Variants in CCM2L observed in about 807,000 individuals in gnomAD.
CCM2L encodes the protein cerebral cavernous malformations 2 protein-like.
A neutral mutation model predicts 54.1 loss-of-function variants in CCM2L; 36 were observed. The ratio of observed to expected loss-of-function variants is 0.67; its 90% CI spans 0.51 to 0.88. The LOEUF (loss-of-function observed/expected upper bound fraction) is 0.88, where lower values mean the gene tolerates loss of function less well. Ranked by LOEUF, CCM2L falls within the 40% of genes least tolerant of loss-of-function variation. CCM2L has a pLI of 0.00. For missense variants in CCM2L, 700 were observed against 812.1 expected, an observed-to-expected ratio of 0.86 and a Z score of 1.68; for synonymous variants, 351 against 359.3, an observed-to-expected ratio of 0.98 and a Z score of 0.26.
chr20:32,027,100 T>C (rs2064869513), intron 7 of CCM2L, among the ~76,000 whole-genome samples: 2 of 152,184 alleles, frequency 1.3e-5, no homozygotes, highest in Non-Finnish European at 1.5e-5. Flanking sequence ...CTGTTTAGGG[T>C]GACCAGCCAT....
chr20:32,026,066 A>G (rs2064857812), intron 7 of CCM2L, 147 bp downstream of exon 7: 2 of 488,910 alleles, frequency 4.1e-6, no homozygotes, highest in African/African-American at 4.0e-5. Context: ...GAGCTCCCTG[A>G]CTCTGGAAAC....
chr20:32,019,140 G>A lies in CCM2L; in HGVS notation c.664G>A (p.Gly222Ser), dbSNP rs2064774371. The A allele has an allele frequency of 2.6e-6, 3 of 1,136,526 alleles. No homozygotes were observed. The highest frequency in any genetic ancestry group is 2.2e-6 in the Non-Finnish European group (2 of 924,490). The allele number at this position is 1,136,526 out of a possible 1,614,324, so 70.4% of individuals were successfully genotyped here. A position where few individuals can be genotyped will look rare whatever the true frequency, so the allele number is the denominator to read the frequency against. Residue 222 changes from glycine to serine, a missense_variant, in exon 5 of 10, where the codon GGC (glycine) becomes AGC (serine). Gly to Ser is a moderately conservative substitution (Grantham distance 56, BLOSUM62 0). Transcript: ENST00000452892. ...AEARAGGGGG[G>S]SLERQRAGAR... is the part of the protein sequence containing the mutation. ...GGCCCGGGCCGGGGGAGGCGGCGGC[G>A]GCAGCTTGGAGCGCCAGCGCGCCGG...
chr20:32,022,916 TAC>T (rs2064819481), intron 6 of CCM2L, 121 bp downstream of exon 6: 1 of 1,058,468 alleles, frequency 9.4e-7, no homozygotes, highest in South Asian at 1.6e-5. Flanking sequence ...CTGCCATAAT[TAC>T]AGTGTACCCC....
chr20:32,029,679 C>G (rs982100343), intron 8 of CCM2L, 21 bp from the exon 9 acceptor site: 1 of 1,585,358 alleles, frequency 6.3e-7, no homozygotes, highest in African/African-American at 1.3e-5. Flanking sequence ...GGATTGATCT[C>G]GAATGGTGTC....
chr20:32,015,156 A>G lies in CCM2L; in HGVS notation c.198+85A>G, dbSNP rs373014215. ...TTGACACCAAGTTCTGATCAGCCGT[A>G]TCTCACACAGGGGAAGTTGTGGCTC... On this transcript the variant is annotated intron_variant, in intron 2 of 9. Coordinates refer to ENST00000452892, the MANE Select transcript of CCM2L (RefSeq NM_001365692.1). The G allele has an allele frequency of 7.5e-6, 10 of 1,325,780 alleles. No homozygotes were observed. The African/African-American group carries it at 7.7e-5, about 10-fold the overall frequency. The allele number at this position is 1,325,780 out of a possible 1,614,324, so 82.1% of individuals were successfully genotyped here.
At position 32,031,041 on chromosome 20, in the gene CCM2L, C is replaced by T. The variant is rs1344632964; in HGVS notation, c.1443C>T (p.Phe481=). 3.8e-6 allele frequency: 5 copies of T among 1,304,142 alleles called. No homozygotes were observed. The highest frequency in any genetic ancestry group is 1.5e-5 in the African/African-American group (1 of 65,868). 80.8% of individuals were successfully genotyped at this position (1,304,142 alleles called of 1,614,324 possible). A position where few individuals can be genotyped will look rare whatever the true frequency, so the allele number is the denominator to read the frequency against. ...PFIPDQDIGY[F]EGFLEGVGIR... ...TCCCGGACCAGGACATCGGCTACTT[C>T]GAGGGCTTCCTGGAGGGCGTGGGCA... The change falls in exon 10 of 10, where the codon TTC becomes TTT. Residue 481 remains phenylalanine, a synonymous_variant. Coordinates refer to ENST00000452892, the MANE Select transcript of CCM2L (RefSeq NM_001365692.1).
intron 5 of CCM2L, 51 bp downstream of exon 5, chr20:32,019,460 T>TCCCCCCCCCCCCCCTCCCCCC: frequency 7.5e-7 from 1 of 1,327,610 alleles, no homozygotes; most frequent in Non-Finnish European, 9.9e-7. Context: ...GAACGCTGCT[T>TCCCCCCCCCCCCCCTCCCCCC]CCCCGCCCCC....
intron 6 of CCM2L, 90 bp from the exon 7 acceptor site, chr20:32,025,766 A>AGGCTGAGACTGAGGGTGG: frequency 1.1e-6 from 1 of 932,844 alleles, no homozygotes; most frequent in Non-Finnish European, 1.5e-6. Flanking sequence ...ACTAGACTTC[A>AGGCTGAGACTGAGGGTGG]GGCTGAGACT....
chr20:32,019,309 G>C lies in CCM2L; in HGVS notation c.833G>C (p.Gly278Ala), dbSNP rs1229000377. 1.5e-6 allele frequency: 2 copies of C among 1,310,884 alleles called. No homozygotes were observed. The highest frequency in any genetic ancestry group is 3.0e-5 in the African/African-American group (2 of 66,106). 81.2% of individuals were successfully genotyped at this position (1,310,884 alleles called of 1,614,324 possible). A position where few individuals can be genotyped will look rare whatever the true frequency, so the allele number is the denominator to read the frequency against. Residue 278 changes from glycine (G) to alanine (A), a missense_variant, in exon 5 of 10, where the codon GGC (glycine) becomes GCC (alanine). Physicochemically the swap from Gly to Ala is moderately conservative, Grantham distance 60. Coordinates refer to ENST00000452892, the MANE Select transcript of CCM2L (RefSeq NM_001365692.1). Reference protein sequence around the residue: ...ERRQAGSGGGGSWERRHPGPN... With the variant: ...ERRQAGSGGGASWERRHPGPN... Reference sequence around the variant, plus strand: ...AGGCAGGCGGGCAGCGGCGGGGGAGGCAGCTGGGAGCGGCGCCACCCCGGC... The same window carrying C: ...AGGCAGGCGGGCAGCGGCGGGGGAGCCAGCTGGGAGCGGCGCCACCCCGGC...
intron 4 of CCM2L, 64 bp from the exon 5 acceptor site, chr20:32,018,879 C>CGGCGG (rs1372405768): frequency 4.8e-6 from 6 of 1,237,998 alleles, no homozygotes; most frequent in African/African-American, 1.6e-5. Context: ...CAGCCGGCCT[C>CGGCGG]GGCGGGGCGG....
rs1231276106 is a variant in CCM2L, at chr20:32,031,354, C to T, written c.*40C>T. 8.1e-7 allele frequency: 1 copy of T among 1,236,736 alleles called. No homozygotes were observed. The allele number at this position is 1,236,736 out of a possible 1,614,324, so 76.6% of individuals were successfully genotyped here. A position where few individuals can be genotyped will look rare whatever the true frequency, so the allele number is the denominator to read the frequency against. On this transcript the variant is annotated 3_prime_UTR_variant, in exon 10 of 10. Coordinates refer to ENST00000452892, the MANE Select transcript of CCM2L (RefSeq NM_001365692.1). ...GACGGCGTGGCTCAGCAGCCCACCT[C>T]TGAGTCTCAGCTTTGCTTCGGGGAC...
intron 6 of CCM2L, among the ~76,000 whole-genome samples, chr20:32,024,177 C>T (rs890251619): frequency 1.3e-5 from 2 of 152,110 alleles, no homozygotes; most frequent in African/African-American, 4.8e-5. Context: ...AACCTTATTC[C>T]CCATGCTGCC....
At chr20:32,018,874 G>A (rs1298905533) in intron 4 of CCM2L, 69 bp from the exon 5 acceptor site, 6 of 1,240,616 alleles carry the variant, frequency 4.8e-6, no homozygotes, top group Non-Finnish European at 6.1e-6. Flanking sequence ...GTGGCCAGCC[G>A]GCCTCGGCGG....
chr20:32,016,596 C>T (rs1484327644), intron 2 of CCM2L, among the ~76,000 whole-genome samples: 3 of 151,960 alleles, frequency 2.0e-5, no homozygotes, highest in Non-Finnish European at 2.9e-5. Context: ...GCAGAGGCTG[C>T]GGTGAGCCGA....
chr20:32,029,218 A>G, intron 8 of CCM2L, 94 bp downstream of exon 8: 1 of 1,554,718 alleles, frequency 6.4e-7, no homozygotes, highest in Non-Finnish European at 8.8e-7. Flanking sequence ...GACATAACCT[A>G]AGCAGAAGAC....
intron 8 of CCM2L, 75 bp from the exon 9 acceptor site, chr20:32,029,625 G>T: frequency 6.6e-7 from 1 of 1,505,466 alleles, no homozygotes; most frequent in Non-Finnish European, 8.9e-7. Context: ...CCTTAGGGAA[G>T]GCTCTGGGCC....
At chr20:32,024,720 G>A (rs938509199) in intron 6 of CCM2L, among the ~76,000 whole-genome samples, 7 of 152,190 alleles carry the variant, frequency 4.6e-5, no homozygotes, top group Non-Finnish European at 8.8e-5. Context: ...CCAACTACTC[G>A]GGAGGCTGAG....
rs1275020204 is a variant in CCM2L at position 32,031,138 on chromosome 20, G to A, written c.1540G>A (p.Ala514Thr). 1.0e-5 allele frequency: 13 copies of A among 1,303,904 alleles called. No homozygotes were observed. The highest frequency in any genetic ancestry group is 1.3e-5 in the Non-Finnish European group (13 of 988,910). The allele number at this position is 1,303,904 out of a possible 1,614,324, so 80.8% of individuals were successfully genotyped here. A position where few individuals can be genotyped will look rare whatever the true frequency, so the allele number is the denominator to read the frequency against. The change falls in exon 10 of 10, where the codon GCA becomes ACA. Residue 514 changes from alanine (A) to threonine (T), a missense_variant. Physicochemically the swap from Ala to Thr is moderately conservative, Grantham distance 58. Transcript: ENST00000452892. ...KRSMSSTSAS[A>T]VRSYDGAAQR... is the part of the protein sequence containing the mutation. ...CAGCATGAGCTCCACGTCGGCCTCC[G>A]CAGTGCGCAGCTACGATGGCGCGGC...
chr20:32,018,075 G>A lies in CCM2L; in HGVS notation c.379G>A (p.Glu127Lys), dbSNP rs917184439. 1 of 1,613,398 alleles carries A rather than the reference G, an allele frequency of 6.2e-7. No individual in the cohort carries two copies. The highest frequency in any genetic ancestry group is 1.3e-5 in the African/African-American group (1 of 74,876). Residue 127 changes from glutamate to lysine, a missense_variant, in exon 4 of 10, where the codon GAG (glutamate) becomes AAG (lysine). Transcript: ENST00000452892. ...CLLLTWRDNE[E>K]LILRIPTHEI... The stretch of plus-strand genomic sequence containing the variant: ...GCTGCTCACCTGGCGCGACAATGAA[G>A]AGCTCATTCTGCGAATCCCTACGCA...
Sources: allele counts gnomAD v4.1 joint callset (sites outside exome capture counted in the v4.1 genomes callset), GRCh38; gene constraint gnomAD v4.1.1; transcripts MANE v1.5; gene names NCBI Gene and HGNC (gene_info 2026-07-23, HGNC 2026-07-21).